DOK6: variants seen among roughly 807,000 people sequenced by gnomAD.
DOK6 encodes the protein downstream of tyrosine kinase 6.
Under a neutral mutation model 44.0 loss-of-function variants are expected in DOK6, and 22 were observed. That is an observed-to-expected ratio of 0.50 (90% CI 0.36 to 0.71). The LOEUF is 0.71. Among genes scored for constraint, DOK6 ranks in the 30% least tolerant of loss-of-function variants. The pLI is 0.00. For missense variants in DOK6, 340 were observed against 416.4 expected (o/e 0.82, Z 1.60); for synonymous variants, 166 against 145.5 (o/e 1.14, Z -1.01).
At chr18:69,476,457 G>A (rs150572323) in intron 1 of DOK6, among the ~76,000 whole-genome samples, 64 of 151,780 alleles carry the variant, frequency 4.2e-4, no homozygotes, top group East Asian at 2.0e-3. Context: ...TGGAAGGCAC[G>A]GGTAATCGTC....
At position 69,698,419 on chromosome 18, in the gene DOK6, A is replaced by G. The variant is rs1233356765; in HGVS notation, c.425A>G (p.Tyr142Cys). 1 of 1,612,690 alleles carries G rather than the reference A, an allele frequency of 6.2e-7. No individual in the cohort carries two copies. The highest frequency in any genetic ancestry group is 1.1e-5 in the South Asian group (1 of 90,868). The change falls in exon 5 of 8, where the codon TAT (tyrosine) becomes TGT (cysteine). Residue 142 changes from tyrosine to cysteine, a missense_variant. By Grantham distance (194) the Tyr-to-Cys change is radical. Transcript: ENST00000382713. ...QREQNERFNV[Y>C]LMPTPNLDIY... is the part of the protein sequence containing the mutation. ...CTCTTCACAGAGAGATTCAACGTGT[A>G]TCTTATGCCTACACCAAACCTGGAT...
At chr18:69,512,453 C>T (rs1037292961) in intron 1 of DOK6, among the ~76,000 whole-genome samples, 2 of 151,170 alleles carry the variant, frequency 1.3e-5, no homozygotes, top group Non-Finnish European at 2.9e-5. Flanking sequence ...ATGCAATTCT[C>T]CTACCTCAGC....
chr18:69,734,248 T>C (rs1296975493), intron 5 of DOK6, among the ~76,000 whole-genome samples: 2 of 151,956 alleles, frequency 1.3e-5, no homozygotes, highest in African/African-American at 2.4e-5. Flanking sequence ...TTAACTATTA[T>C]ATGAACTGGG....
chr18:69,824,129 T>G (rs1328845042), intron 7 of DOK6, among the ~76,000 whole-genome samples: 3 of 151,800 alleles, frequency 2.0e-5, no homozygotes, highest in Non-Finnish European at 4.4e-5. Flanking sequence ...TGTGCCATGT[T>G]GGTGTGCTGC....
intron 7 of DOK6, among the ~76,000 whole-genome samples, chr18:69,770,657 T>A (rs1304978639): frequency 1.3e-5 from 2 of 152,096 alleles, no homozygotes; most frequent in Non-Finnish European, 2.9e-5. Context: ...ACACCGTATA[T>A]GTAAATTAAT....
intron 7 of DOK6, among the ~76,000 whole-genome samples, chr18:69,832,890 A>G (rs916026431): frequency 6.6e-6 from 1 of 152,206 alleles, no homozygotes; most frequent in African/African-American, 2.4e-5. Context: ...GGGACAATAT[A>G]AAATACTGAT....
At chr18:69,402,959 C>T (rs1916132067) in intron 1 of DOK6, among the ~76,000 whole-genome samples, 2 of 152,208 alleles carry the variant, frequency 1.3e-5, no homozygotes, top group East Asian at 1.9e-4. Context: ...TGTCACCACA[C>T]AGCTGTCAGC....
intron 1 of DOK6, among the ~76,000 whole-genome samples, chr18:69,455,661 T>C (rs543335876): frequency 5.3e-5 from 8 of 152,276 alleles, no homozygotes; most frequent in Admixed American, 5.2e-4. Flanking sequence ...GGAAGTAAGA[T>C]ACATAGAGGC....
At chr18:69,823,591 A>C in intron 7 of DOK6, among the ~76,000 whole-genome samples, 1 of 151,702 alleles carries the variant, frequency 6.6e-6, no homozygotes, top group East Asian at 1.9e-4. Context: ...TTCAAACCAC[A>C]AAGAGTCCTT....
chr18:69,848,347 T>C lies in DOK6; in HGVS notation c.*6964T>C, dbSNP rs190416272. The C allele has an allele frequency of 2.0e-5, 3 of 152,290 alleles. No homozygotes were observed. Among genetic ancestry groups the C allele is most frequent in the Admixed American group, 2.0e-4 (3 of 15,298 alleles). The allele number at this position is 152,290 out of a possible 1,614,324, so 9.4% of individuals were successfully genotyped here. Reference sequence around the variant, plus strand: ...AATAACTTTGGACATTAGGCCCTTGTTAAGAAATAAAACACCCATTATAAA... The same window carrying C: ...AATAACTTTGGACATTAGGCCCTTGCTAAGAAATAAAACACCCATTATAAA... On this transcript the variant is annotated 3_prime_UTR_variant, in exon 8 of 8. Coordinates refer to ENST00000382713, the MANE Select transcript of DOK6 (RefSeq NM_152721.6).
At chr18:69,501,684 T>C (rs146930281) in intron 1 of DOK6, among the ~76,000 whole-genome samples, 300 of 152,272 alleles carry the variant, frequency 2.0e-3, no homozygotes, top group African/African-American at 6.7e-3. Flanking sequence ...TTAGCTTTTC[T>C]GATAAGTCTG....
At chr18:69,591,058 C>A (rs548384220) in intron 2 of DOK6, among the ~76,000 whole-genome samples, 2 of 152,260 alleles carry the variant, frequency 1.3e-5, no homozygotes, top group Non-Finnish European at 2.9e-5. Flanking sequence ...AAGGCCGTGG[C>A]TCCAAACAAT....
At chr18:69,535,760 G>A (rs1024854293) in intron 1 of DOK6, among the ~76,000 whole-genome samples, 2 of 151,812 alleles carry the variant, frequency 1.3e-5, no homozygotes, top group African/African-American at 4.8e-5. Flanking sequence ...ATTTATAGGA[G>A]TCCCAAATTT....
intron 1 of DOK6, among the ~76,000 whole-genome samples, chr18:69,516,578 T>C (rs750326843): frequency 6.6e-6 from 1 of 152,236 alleles, no homozygotes; most frequent in African/African-American, 2.4e-5. Context: ...AAGAGATTTG[T>C]ATATTGACTT....
At chr18:69,587,155 C>T (rs577477994) in intron 2 of DOK6, among the ~76,000 whole-genome samples, 84 of 152,250 alleles carry the variant, frequency 5.5e-4, no homozygotes, top group African/African-American at 2.0e-3. Context: ...GGGCTGGCCT[C>T]ACAAATTACC....
Position 69,841,336 on chromosome 18 carries a change from C to A in DOK6, c.949C>A (p.Arg317=). 6.2e-7 allele frequency: 1 copy of A among 1,614,164 alleles called. No homozygotes were observed. Residue 317 remains arginine, a synonymous_variant, in exon 8 of 8, where the codon CGG becomes AGG. Coordinates refer to ENST00000382713, the MANE Select transcript of DOK6 (RefSeq NM_152721.6). ...QSEEAQQPLS[R]SSSYGFSYSS... ...TGAAGAGGCCCAGCAGCCGTTGTCG[C>A]GGTCCAGCAGCTATGGATTCAGCTA... is the stretch of plus-strand genomic sequence containing the variant.
chr18:69,495,786 C>A (rs1273638352), intron 1 of DOK6, among the ~76,000 whole-genome samples: 1 of 152,178 alleles, frequency 6.6e-6, no homozygotes, highest in Admixed American at 6.5e-5. Flanking sequence ...ACTGAACTAC[C>A]TGCAACACCC....
intron 4 of DOK6, among the ~76,000 whole-genome samples, chr18:69,687,279 C>T (rs1159325948): frequency 6.6e-6 from 1 of 152,148 alleles, no homozygotes; most frequent in Admixed American, 6.5e-5. Context: ...AAAATATTTC[C>T]TTATGTTAAT....
intron 1 of DOK6, among the ~76,000 whole-genome samples, chr18:69,523,168 T>G (rs8094313): frequency 0.62 from 93,477 of 151,898 alleles, 29,453 homozygotes; most frequent in Non-Finnish European, 0.69. Flanking sequence ...CATCCAAAGA[T>G]TATCCAGGAA....
Sources: gnomAD v4.1 joint callset for allele counts (sites outside exome capture counted in the v4.1 genomes callset) on GRCh38, gnomAD v4.1.1 for gene constraint, MANE v1.5 for transcripts, NCBI Gene and HGNC (gene_info 2026-07-23, HGNC 2026-07-21) for gene names.